The following FSHR variants were observed in gnomAD, a reference collection of about 807,000 sequenced individuals.
The protein encoded by FSHR is follicle stimulating hormone receptor.
FSHR carries 46 observed loss-of-function variants against 52.1 expected under a neutral mutation model. That is an observed-to-expected ratio of 0.88 (90% confidence interval 0.70 to 1.13). FSHR has a LOEUF of 1.13. Ranked by LOEUF, FSHR falls within the 50% of genes most tolerant of loss-of-function variation. The pLI is 0.00. For synonymous variants in FSHR, 399 were observed against 309.6 expected, an observed-to-expected ratio of 1.29 and a Z score of -3.03; for missense variants, 964 against 834.6, an observed-to-expected ratio of 1.16 and a Z score of -1.91.
intron 5 of FSHR, 65 bp from the exon 6 acceptor site, chr2:48,989,119 T>C: frequency 7.8e-7 from 1 of 1,286,768 alleles, no homozygotes; most frequent in South Asian, 1.2e-5. Flanking sequence ...TTCCAAAATT[T>C]AGTTTAACTG....
Position 49,134,489 on chromosome 2 carries a change from T to C in FSHR, c.152+19777A>G, listed in dbSNP as rs185369775. Among the ~76,000 whole-genome samples the C allele has an allele frequency of 4.9e-4, 74 of 152,302 alleles. 1 individual carries two copies. The highest frequency in any genetic ancestry group is 1.8e-3 in the African/African-American group (73 of 41,572). On this transcript the variant is annotated intron_variant, in intron 1 of 9. Coordinates refer to ENST00000406846, the MANE Select transcript of FSHR (RefSeq NM_000145.4). ...GTGGGACTGTAAACTAGTTCAACCA[T>C]TGTGGAAGACAGTGTGGTGATTCCT...
At chr2:49,048,304 A>G (rs1194692328) in intron 2 of FSHR, among the ~76,000 whole-genome samples, 1 of 152,194 alleles carries the variant, frequency 6.6e-6, no homozygotes, top group Non-Finnish European at 1.5e-5. Context: ...TTCTTATAGA[A>G]AAAAAACCTG....
chr2:49,126,049 C>T (rs1671984551), intron 1 of FSHR, among the ~76,000 whole-genome samples: 1 of 152,160 alleles, frequency 6.6e-6, no homozygotes, highest in African/African-American at 2.4e-5. Context: ...ATTTCCACTA[C>T]CCATGTGGGA....
chr2:49,087,081 T>TTTTTTTTTG (rs1670427795), intron 1 of FSHR, among the ~76,000 whole-genome samples: 1 of 145,218 alleles, frequency 6.9e-6, no homozygotes, highest in African/African-American at 2.5e-5. Context: ...TTTTTTTTTT[T>TTTTTTTTTG]TTTTTTTTTT....
At chr2:49,091,675 G>T (rs1439028520) in intron 1 of FSHR, among the ~76,000 whole-genome samples, 1 of 152,146 alleles carries the variant, frequency 6.6e-6, no homozygotes, top group East Asian at 1.9e-4. Flanking sequence ...AATTACGTTA[G>T]ATTTCTGTCA....
At chr2:49,055,684 A>C (rs1669037527) in intron 2 of FSHR, among the ~76,000 whole-genome samples, 1 of 152,044 alleles carries the variant, frequency 6.6e-6, no homozygotes, top group Non-Finnish European at 1.5e-5. Context: ...CACATATTAA[A>C]AAATCCACAT....
chr2:49,149,275 C>T (rs1672976849), intron 1 of FSHR, among the ~76,000 whole-genome samples: 1 of 151,968 alleles, frequency 6.6e-6, no homozygotes, highest in Non-Finnish European at 1.5e-5. Flanking sequence ...TACCTGGTTA[C>T]CTCATGGTTA....
At chr2:49,154,219 G>A (rs771861325) in intron 1 of FSHR, 47 bp downstream of exon 1, 9 of 1,585,886 alleles carry the variant, frequency 5.7e-6, no homozygotes, top group Non-Finnish European at 7.8e-6. Context: ...AGTACGCAAT[G>A]CACAAATGCC....
At chr2:49,039,758 AG>A (rs1231897769) in intron 2 of FSHR, among the ~76,000 whole-genome samples, 2 of 152,220 alleles carry the variant, frequency 1.3e-5, no homozygotes, top group African/African-American at 4.8e-5. Flanking sequence ...GCAGGTATAT[AG>A]TTAAGTGAAA....
chr2:49,117,503 A>T (rs966092353), intron 1 of FSHR, among the ~76,000 whole-genome samples: 1 of 152,202 alleles, frequency 6.6e-6, no homozygotes, highest in African/African-American at 2.4e-5. Context: ...TGACTCATAA[A>T]AATTAGCAGC....
At chr2:49,135,350 G>T (rs1672452636) in intron 1 of FSHR, among the ~76,000 whole-genome samples, 1 of 151,880 alleles carries the variant, frequency 6.6e-6, no homozygotes, top group Admixed American at 6.6e-5. Flanking sequence ...AAATTAACCA[G>T]CACAATACTC....
intron 1 of FSHR, among the ~76,000 whole-genome samples, chr2:49,120,141 C>T (rs1572769963): frequency 6.6e-6 from 1 of 152,218 alleles, no homozygotes; most frequent in East Asian, 1.9e-4. Context: ...CATGGTGGTG[C>T]CTGCCTGTAA....
At chr2:49,015,065 T>C in intron 4 of FSHR, 1 of 302,400 alleles carries the variant, frequency 3.3e-6, no homozygotes, top group Non-Finnish European at 6.5e-6. Context: ...ATAAAAACAA[T>C]TTGCAAAGTG....
At chr2:48,995,200 G>T (rs1229576661) in intron 4 of FSHR, among the ~76,000 whole-genome samples, 1 of 152,094 alleles carries the variant, frequency 6.6e-6, no homozygotes, top group Non-Finnish European at 1.5e-5. Flanking sequence ...TTTTATCCAA[G>T]GAGGAAGGCA....
intron 2 of FSHR, among the ~76,000 whole-genome samples, chr2:49,052,387 T>C (rs983004304): frequency 1.3e-5 from 2 of 152,218 alleles, no homozygotes; most frequent in Non-Finnish European, 2.9e-5. Flanking sequence ...GAATGTTCTT[T>C]GTACAAATTG....
intron 4 of FSHR, among the ~76,000 whole-genome samples, chr2:48,995,424 C>T (rs545925440): frequency 6.6e-6 from 1 of 152,076 alleles, no homozygotes; most frequent in Non-Finnish European, 1.5e-5. Context: ...ACTACAGAGC[C>T]TTCTGGCCTA....
chr2:49,120,045 G>A lies in FSHR; in HGVS notation c.152+34221C>T, dbSNP rs1671753015. Among the ~76,000 whole-genome samples the A allele has an allele frequency of 2.0e-5, 3 of 152,270 alleles. No homozygotes were observed. In the South Asian group the frequency reaches 6.2e-4, roughly 32 times the overall value. On this transcript the variant is annotated intron_variant, in intron 1 of 9. Transcript: ENST00000406846. ...AGCACTTTGGGAGGCCAGGGCAGGT[G>A]GATCACTTGAGGTTAGGAGTACCAG...
At chr2:48,979,783 G>T (rs867521125) in intron 8 of FSHR, among the ~76,000 whole-genome samples, 1 of 151,872 alleles carries the variant, frequency 6.6e-6, no homozygotes, top group Admixed American at 6.6e-5. Flanking sequence ...TAAACCTCCC[G>T]CATGCAGATA....
At chr2:49,069,794 C>G (rs1344232871) in intron 1 of FSHR, among the ~76,000 whole-genome samples, 1 of 152,106 alleles carries the variant, frequency 6.6e-6, no homozygotes, top group Non-Finnish European at 1.5e-5. Context: ...AGCTTTGTAA[C>G]TGATTAATAG....
Sources: allele counts gnomAD v4.1 joint callset (sites outside exome capture counted in the v4.1 genomes callset), GRCh38; gene constraint gnomAD v4.1.1; transcripts MANE v1.5; gene names NCBI Gene and HGNC (gene_info 2026-07-23, HGNC 2026-07-21).